EMC10: variants seen among roughly 807,000 people sequenced by gnomAD.
EMC10 encodes the protein UPF0510 protein INM02.
A neutral mutation model predicts 32.2 loss-of-function variants in EMC10; 40 were observed. The observed-to-expected ratio is 1.24, with a 90% CI of 0.96 to 1.61. EMC10 has a LOEUF of 1.61. EMC10 is among the 40% of genes most tolerant of loss of function. The pLI is 0.00. For missense variants in EMC10, 402 were observed against 357.7 expected, an observed-to-expected ratio of 1.12 and a Z score of -1.00; for synonymous variants, 178 against 158.4, an observed-to-expected ratio of 1.12 and a Z score of -0.93.
At chr19:50,478,238 C>T (rs538173531) in intron 2 of EMC10, among the ~76,000 whole-genome samples, 5 of 152,204 alleles carry the variant, frequency 3.3e-5, no homozygotes, top group Non-Finnish European at 5.9e-5. Flanking sequence ...AATTTCAGAG[C>T]GGCTTTCCTG....
Position 50,477,944 on chromosome 19 carries a change from C to T in EMC10, c.130C>T (p.Arg44Ter), listed in dbSNP as rs780745121. 31 of 1,597,620 alleles carry T rather than the reference C, an allele frequency of 1.9e-5. No homozygotes were observed. Among genetic ancestry groups the T allele is most frequent in the African/African-American group, 8.2e-5 (6 of 73,572 alleles). The part of the protein sequence containing the change: ...TGARGAGAEG[R>*]EGEACGTVGL... ...TCCTCTGCAGGCTGGGGCGGAAGGT[C>T]GAGAGGGCGAGGCCTGTGGCACGGT... The change falls in exon 2 of 7, where the codon CGA becomes TGA. Residue 44 changes from arginine (R) to a stop codon, truncating the protein, a stop_gained. Transcript: ENST00000334976. LOFTEE classifies it high-confidence loss of function.
rs747829877 is a variant in EMC10, at chr19:50,479,022, C to T, written c.253C>T (p.Leu85=). 11 of 1,610,840 alleles carry T rather than the reference C, an allele frequency of 6.8e-6. No individual in the cohort carries two copies. Among genetic ancestry groups the T allele is most frequent in the Admixed American group, 6.7e-5 (4 of 59,858 alleles). ...LWNQQDGTLS[L]SQRQLSEEER... is the part of the protein sequence containing the mutation. The stretch of plus-strand genomic sequence containing the variant: ...GAACCAGCAGGATGGTACCTTGTCC[C>T]TGTCACAGCGGCAGCTCAGCGAGGA... The change falls in exon 3 of 7, where the codon CTG becomes TTG. Residue 85 remains leucine (L), a synonymous_variant. Coordinates refer to ENST00000334976, the MANE Select transcript of EMC10 (RefSeq NM_206538.4).
In EMC10 at chr19:50,483,027, C is replaced by G. The variant is rs367726713; in HGVS notation, c.*768C>G. 7.1e-6 allele frequency: 4 copies of G among 560,392 alleles called. No individual in the cohort carries two copies. The highest frequency in any genetic ancestry group is 3.7e-5 in the African/African-American group (2 of 53,996). The allele number at this position is 560,392 out of a possible 1,614,324, so 34.7% of individuals were successfully genotyped here. A position where few individuals can be genotyped will look rare whatever the true frequency, so the allele number is the denominator to read the frequency against. On this transcript the variant is annotated 3_prime_UTR_variant, in exon 7 of 7. Transcript: ENST00000334976. ...TAAATAGAACCCCCTCCACCACCCC[C>G]CGCCGCCCAGCATCCTACCTGGACT...
Position 50,490,511 on chromosome 19 carries a change from C to T in EMC10, c.*8252C>T, listed in dbSNP as rs1978581289. 6.6e-6 allele frequency: 1 copy of T among 152,200 alleles called. No homozygotes were observed. The highest frequency in any genetic ancestry group is 2.4e-5 in the African/African-American group (1 of 41,442). 9.4% of individuals were successfully genotyped at this position (152,200 alleles called of 1,614,324 possible). A position where few individuals can be genotyped will look rare whatever the true frequency, so the allele number is the denominator to read the frequency against. On this transcript the variant is annotated 3_prime_UTR_variant, in exon 7 of 7. Transcript: ENST00000334976. ...CCCGGTGAAGCGGCAGCGTCACGTC[C>T]TTTCTCCCAGGGATCTGTTGGTCGG... is the stretch of plus-strand genomic sequence containing the variant.
Position 50,490,653 on chromosome 19 carries a change from GA to G in EMC10, c.*8396del, listed in dbSNP as rs1978586971. 6.6e-6 allele frequency: 1 copy of G among 152,162 alleles called. No homozygotes were observed. The highest frequency in any genetic ancestry group is 2.1e-4 in the South Asian group (1 of 4,826). The allele number at this position is 152,162 out of a possible 1,614,324, so 9.4% of individuals were successfully genotyped here. On this transcript the variant is annotated 3_prime_UTR_variant, in exon 7 of 7. Coordinates refer to ENST00000334976, the MANE Select transcript of EMC10 (RefSeq NM_206538.4). ...GCCAAGGTGCAGCCTGGGCTCGGAG[GA>G]ACATGCCCTCCGCCTAGTCCCTGAC...
chr19:50,485,052 C>T lies in EMC10; in HGVS notation c.*2793C>T, dbSNP rs1162818090. On this transcript the variant is annotated 3_prime_UTR_variant, in exon 7 of 7. Transcript: ENST00000334976. ...GACATAGCTGGGGCAGTTTCCATCTCTGGTATAAGGTGCCATCTTATTCCA... is the reference window on the plus strand; with the variant it reads ...GACATAGCTGGGGCAGTTTCCATCTTTGGTATAAGGTGCCATCTTATTCCA... The T allele has an allele frequency of 6.6e-6, 1 of 152,188 alleles. No individual in the cohort carries two copies. The highest frequency in any genetic ancestry group is 6.5e-5 in the Admixed American group (1 of 15,278). The allele number at this position is 152,188 out of a possible 1,614,324, so 9.4% of individuals were successfully genotyped here.
Position 50,476,527 on chromosome 19 carries a change from TG to T in EMC10, c.-16del. 1 of 1,570,260 alleles carries T rather than the reference TG, an allele frequency of 6.4e-7. No homozygotes were observed. ...TCTTGGCTCACAGCCGTCCCTTCGC[TG>T]GTGGGAAGAAGCCGAGATGGCGGCA... On this transcript the variant is annotated 5_prime_UTR_variant, in exon 1 of 7. Coordinates refer to ENST00000334976, the MANE Select transcript of EMC10 (RefSeq NM_206538.4).
At position 50,489,588 on chromosome 19, in the gene EMC10, C is replaced by T. The variant is rs1978535404; in HGVS notation, c.*7329C>T. On this transcript the variant is annotated 3_prime_UTR_variant, in exon 7 of 7. Coordinates refer to ENST00000334976, the MANE Select transcript of EMC10 (RefSeq NM_206538.4). Reference sequence around the variant, plus strand: ...CTACTGCGGGGACAGGCTGCCAGACCCGGCGGGTCCAGGTTGGGAACTCGG... The same window carrying T: ...CTACTGCGGGGACAGGCTGCCAGACTCGGCGGGTCCAGGTTGGGAACTCGG... 2 of 152,396 alleles carry T rather than the reference C, an allele frequency of 1.3e-5. No individual in the cohort carries two copies. Among genetic ancestry groups the T allele is most frequent in the South Asian group, 2.1e-4 (1 of 4,848 alleles). 9.4% of individuals were successfully genotyped at this position (152,396 alleles called of 1,614,324 possible).
intron 6 of EMC10, 123 bp downstream of exon 6, chr19:50,481,100 T>C: frequency 1.5e-6 from 1 of 685,962 alleles, no homozygotes; most frequent in Non-Finnish European, 2.5e-6. Context: ...CCTCCGGGCC[T>C]CCTGTGTGTC....
At position 50,483,109 on chromosome 19, in the gene EMC10, T is replaced by C. The variant is rs1207886462; in HGVS notation, c.*850T>C. 2.1e-6 allele frequency: 1 copy of C among 483,230 alleles called. No individual in the cohort carries two copies. Among genetic ancestry groups the C allele is most frequent in the South Asian group, 1.5e-5 (1 of 64,820 alleles). The allele number at this position is 483,230 out of a possible 1,614,324, so 29.9% of individuals were successfully genotyped here. A position where few individuals can be genotyped will look rare whatever the true frequency, so the allele number is the denominator to read the frequency against. ...GTGTGCCACCCTCCCTGTAAGTCTA[T>C]TTAAAAACATCGACGATACATTGAA... On this transcript the variant is annotated 3_prime_UTR_variant, in exon 7 of 7. Transcript: ENST00000334976.
rs2040367795 is a variant in EMC10, at chr19:50,484,468, T to A, written c.*2209T>A. On this transcript the variant is annotated 3_prime_UTR_variant, in exon 7 of 7. Transcript: ENST00000334976. ...TGGGATCTTTATAAACCTGATTATG[T>A]CCTTTCCCTCTAAGTCTCGGTTGCT... The A allele has an allele frequency of 6.6e-6, 1 of 152,202 alleles. No homozygotes were observed. Among genetic ancestry groups the A allele is most frequent in the Non-Finnish European group, 1.5e-5 (1 of 68,058 alleles). The allele number at this position is 152,202 out of a possible 1,614,324, so 9.4% of individuals were successfully genotyped here.
In EMC10 at chr19:50,487,298, C is replaced by T. The variant is rs1208789505; in HGVS notation, c.*5039C>T. The T allele has an allele frequency of 1.3e-5, 2 of 152,292 alleles. No homozygotes were observed. Among genetic ancestry groups the T allele is most frequent in the Admixed American group, 6.5e-5 (1 of 15,284 alleles). 9.4% of individuals were successfully genotyped at this position (152,292 alleles called of 1,614,324 possible). On this transcript the variant is annotated 3_prime_UTR_variant, in exon 7 of 7. Transcript: ENST00000334976. ...GCAGAAAGGCGTCATCCGCTGCTCA[C>T]TGAGCTCAGATAGGAGGCCAGGGAT...
Position 50,480,553 on chromosome 19 carries a change from A to G in EMC10, c.403-28A>G, listed in dbSNP as rs750047456. 1.9e-6 allele frequency: 3 copies of G among 1,547,128 alleles called. No homozygotes were observed. The South Asian group carries it at 3.6e-5, about 18-fold the overall frequency. The stretch of plus-strand genomic sequence containing the variant: ...GTGGAGCCCAGGCAGCAGGCTCCCC[A>G]CCTCCACTGACCCCACTCCCCCCAC... On this transcript the variant is annotated intron_variant, in intron 4 of 6. Transcript: ENST00000334976. This position sits in a 1 kb window ranked among gnomAD's most constrained non-coding sequence, Gnocchi z 4.4.
Position 50,480,127 on chromosome 19 carries a change from A to T in EMC10, c.314A>T (p.Asn105Ile), listed in dbSNP as rs777361817. 6.2e-7 allele frequency: 1 copy of T among 1,611,644 alleles called. No homozygotes were observed. The highest frequency in any genetic ancestry group is 1.3e-5 in the African/African-American group (1 of 75,048). The change falls in exon 4 of 7, where the codon AAT becomes ATT. Residue 105 changes from asparagine (N) to isoleucine (I), a missense_variant. Transcript: ENST00000334976. The surrounding 1 kb of genome is among the most constrained non-coding windows in gnomAD (Gnocchi z 4.4). ...RGRLRDVAAL[N>I]GLYRVRIPRR... is the part of the protein sequence containing the mutation. The stretch of plus-strand genomic sequence containing the variant: ...CATCCCCAGGATGTGGCAGCCCTGA[A>T]TGGCCTGTACCGGGTCCGGATCCCA...
rs1041136632 is a variant in EMC10 at position 50,484,702 on chromosome 19, C to T, written c.*2443C>T. 2.6e-5 allele frequency: 4 copies of T among 152,146 alleles called. No homozygotes were observed. In the East Asian group the frequency reaches 7.7e-4, roughly 29 times the overall value. 9.4% of individuals were successfully genotyped at this position (152,146 alleles called of 1,614,324 possible). On this transcript the variant is annotated 3_prime_UTR_variant, in exon 7 of 7. Coordinates refer to ENST00000334976, the MANE Select transcript of EMC10 (RefSeq NM_206538.4). ...AGTAGGTTGGCCAGGCATAGTGATTCATGCTTGTAGTCCCAGCTGTTTGGG... is the reference window on the plus strand; with the variant it reads ...AGTAGGTTGGCCAGGCATAGTGATTTATGCTTGTAGTCCCAGCTGTTTGGG...
At position 50,479,184 on chromosome 19, in the gene EMC10, C is replaced by T. The variant is rs2040278814; in HGVS notation, c.297+118C>T. 1.1e-5 allele frequency: 8 copies of T among 696,698 alleles called. No homozygotes were observed. The South Asian group carries it at 1.3e-4, about 11-fold the overall frequency. 43.2% of individuals were successfully genotyped at this position (696,698 alleles called of 1,614,324 possible). On this transcript the variant is annotated intron_variant, in intron 3 of 6. Transcript: ENST00000334976. ...CCTCCAGGCCCAGGTGGGCTCCCAG[C>T]ACCACCTGCCACTCTCAGCCTCTGT... is the stretch of plus-strand genomic sequence containing the variant.
Position 50,482,523 on chromosome 19 carries a change from C to T in EMC10, c.*264C>T, listed in dbSNP as rs962880049. 1.8e-6 allele frequency: 1 copy of T among 561,286 alleles called. No individual in the cohort carries two copies. Among genetic ancestry groups the T allele is most frequent in the Non-Finnish European group, 3.1e-6 (1 of 318,984 alleles). 34.8% of individuals were successfully genotyped at this position (561,286 alleles called of 1,614,324 possible). A position where few individuals can be genotyped will look rare whatever the true frequency, so the allele number is the denominator to read the frequency against. On this transcript the variant is annotated 3_prime_UTR_variant, in exon 7 of 7. Transcript: ENST00000334976. The stretch of plus-strand genomic sequence containing the variant: ...CAGCCCCAGGGGCTTCCCCCCTGCC[C>T]ATGGAGTAGAGCCCGAGATCCTGGC...
chr19:50,477,847 C>A, intron 1 of EMC10, 82 bp from the exon 2 acceptor site: 1 of 1,082,274 alleles, frequency 9.2e-7, no homozygotes, highest in Non-Finnish European at 1.3e-6. Flanking sequence ...GCCCACCAGT[C>A]TGTCTGTCCT....
At chr19:50,477,777 GTT>G in intron 1 of EMC10, 150 bp from the exon 2 acceptor site, 3 of 561,988 alleles carry the variant, frequency 5.3e-6, no homozygotes, top group Non-Finnish European at 6.1e-6. Context: ...GAAATGGGTG[GTT>G]TCTAGTGAAA....
Sources: gnomAD v4.1 joint callset for allele counts (sites outside exome capture counted in the v4.1 genomes callset) on GRCh38, gnomAD v4.1.1 for gene constraint, Gnocchi (gnomAD v3.1) non-coding constraint, MANE v1.5 for transcripts, NCBI Gene and HGNC (gene_info 2026-07-23, HGNC 2026-07-21) for gene names.